The following KYAT3 variants were observed in gnomAD, a reference collection of about 807,000 sequenced individuals.
The protein encoded by KYAT3 is kynurenine--oxoglutarate transaminase 3.
Under a neutral mutation model 59.0 loss-of-function variants are expected in KYAT3, and 50 were observed. The ratio of observed to expected loss-of-function variants is 0.85; its 90% CI spans 0.68 to 1.07. The LOEUF (loss-of-function observed/expected upper bound fraction) is 1.07, where lower values mean the gene tolerates loss of function less well. Among genes scored for constraint, KYAT3 ranks in the 50% least tolerant of loss-of-function variants. KYAT3 has a pLI of 0.00. For missense variants in KYAT3, 497 were observed against 533.3 expected, an observed-to-expected ratio of 0.93 and a Z score of 0.67; for synonymous variants, 148 against 177.0, an observed-to-expected ratio of 0.84 and a Z score of 1.30.
chr1:88,990,549 C>T (rs2101106371), intron 1 of KYAT3, among the ~76,000 whole-genome samples: 1 of 152,316 alleles, frequency 6.6e-6, no homozygotes, highest in South Asian at 2.1e-4. Flanking sequence ...CTGAGAAACA[C>T]CATGTCCCCT....
chr1:88,927,668 C>T, the KYAT3 span, among the ~76,000 whole-genome samples: 121 of 152,238 alleles, frequency 7.9e-4, no homozygotes, highest in Non-Finnish European at 1.3e-3. Context: ...ATGCCCCCTC[C>T]AAGCAGTAGG....
chr1:88,941,380 A>G (rs1463084494), intron 13 of KYAT3, among the ~76,000 whole-genome samples: 1 of 152,240 alleles, frequency 6.6e-6, no homozygotes, highest in Non-Finnish European at 1.5e-5. Flanking sequence ...CAGTACCAAC[A>G]ACATTTTGAA....
rs759613722 is a variant in KYAT3 at position 88,961,208 on chromosome 1, TA to T, written c.745del (p.Tyr249MetfsTer12). 12 of 1,613,548 alleles carry T rather than the reference TA, an allele frequency of 7.4e-6. No individual in the cohort carries two copies. In the East Asian group the frequency reaches 2.5e-4, roughly 33 times the overall value. ...YDTLCISDEV[Y>X]EWLVYSGNKH... ...ATTTCCAGAATATACAAGCCATTCATAAACCTCATCGCTGATGCAGAGTGTG... is the reference window on the plus strand; with the variant it reads ...ATTTCCAGAATATACAAGCCATTCATAACCTCATCGCTGATGCAGAGTGTG... On this transcript the variant is annotated frameshift_variant, in exon 8 of 14. Transcript: ENST00000260508. LOFTEE classifies it high-confidence loss of function.
intron 13 of KYAT3, among the ~76,000 whole-genome samples, chr1:88,938,226 T>TTAA (rs1675109243): frequency 1.3e-5 from 2 of 152,202 alleles, no homozygotes; most frequent in Non-Finnish European, 2.9e-5. Context: ...TTAAAAATAT[T>TTAA]TGTTTTAAAG....
chr1:88,960,271 T>C (rs28545364), intron 8 of KYAT3, among the ~76,000 whole-genome samples: 4,777 of 151,892 alleles, frequency 0.031, 224 homozygotes, highest in African/African-American at 0.11. Context: ...CCACATTTTT[T>C]AGTCATCCTT....
chr1:88,986,862 A>G (rs1677487050), intron 2 of KYAT3, among the ~76,000 whole-genome samples: 1 of 152,184 alleles, frequency 6.6e-6, no homozygotes, highest in East Asian at 1.9e-4. Context: ...TCATTCGTCC[A>G]GCAATAGGAA....
At chr1:88,948,215 TC>T (rs1675525727) in intron 11 of KYAT3, among the ~76,000 whole-genome samples, 2 of 152,234 alleles carry the variant, frequency 1.3e-5, no homozygotes, top group South Asian at 2.1e-4. Context: ...TTTCCTTTAC[TC>T]TTTCCAGCTT....
At chr1:88,966,236 G>A (rs1184481717) in intron 4 of KYAT3, among the ~76,000 whole-genome samples, 1 of 152,078 alleles carries the variant, frequency 6.6e-6, no homozygotes, top group African/African-American at 2.4e-5. Flanking sequence ...GTATGGTTGT[G>A]TTCTAATGAA....
chr1:88,978,647 G>A (rs1676914884), intron 2 of KYAT3, among the ~76,000 whole-genome samples: 2 of 151,576 alleles, frequency 1.3e-5, no homozygotes, highest in African/African-American at 2.4e-5. Flanking sequence ...ACAGGTATGT[G>A]GCACCACACC....
the KYAT3 span, among the ~76,000 whole-genome samples, chr1:88,922,423 C>T: frequency 6.6e-6 from 1 of 152,172 alleles, no homozygotes; most frequent in Admixed American, 6.5e-5. Context: ...CAGACTGGTA[C>T]CAGCTGGTGA....
At chr1:88,946,316 G>A (rs1164076742) in intron 11 of KYAT3, among the ~76,000 whole-genome samples, 2 of 116,856 alleles carry the variant, frequency 1.7e-5, no homozygotes, top group Non-Finnish European at 3.5e-5. Flanking sequence ...TCCCTCCTAT[G>A]TGTAACTGAT....
intron 8 of KYAT3, among the ~76,000 whole-genome samples, chr1:88,958,216 T>C (rs1011931431): frequency 1.3e-5 from 2 of 152,140 alleles, no homozygotes; most frequent in African/African-American, 4.8e-5. Flanking sequence ...TCCATACAAA[T>C]CTGCTCCTCT....
intron 13 of KYAT3, among the ~76,000 whole-genome samples, chr1:88,941,526 CTGT>C (rs1183799407): frequency 7.7e-6 from 1 of 130,296 alleles, no homozygotes; most frequent in East Asian, 2.4e-4. Flanking sequence ...GCATTCTAGG[CTGT>C]TATTTTTTTT....
At chr1:88,988,781 G>T (rs369359565) in intron 1 of KYAT3, among the ~76,000 whole-genome samples, 22 of 152,300 alleles carry the variant, frequency 1.4e-4, no homozygotes, top group Admixed American at 4.6e-4. Context: ...GTAAATTAAA[G>T]TTGTTAGAAA....
intron 2 of KYAT3, chr1:88,982,645 T>G: frequency 6.3e-7 from 1 of 1,579,344 alleles, no homozygotes; most frequent in Non-Finnish European, 8.6e-7. Flanking sequence ...TCCAAAGTTT[T>G]GTTTGTTTCT....
the KYAT3 span, among the ~76,000 whole-genome samples, chr1:88,924,510 T>C: frequency 1.3e-5 from 2 of 152,208 alleles, no homozygotes; most frequent in Non-Finnish European, 2.9e-5. Flanking sequence ...ACAGACCTCA[T>C]ATTTAAAATC....
the KYAT3 span, among the ~76,000 whole-genome samples, chr1:88,925,391 C>T: frequency 6.6e-6 from 1 of 152,214 alleles, no homozygotes; most frequent in Non-Finnish European, 1.5e-5. Context: ...GAATCTGCTT[C>T]CTCTGATCCC....
intron 13 of KYAT3, among the ~76,000 whole-genome samples, chr1:88,937,747 A>C (rs1485794434): frequency 6.6e-6 from 1 of 152,220 alleles, no homozygotes; most frequent in East Asian, 1.9e-4. Context: ...AATGAAAAGG[A>C]TAGAGTATCA....
chr1:88,977,151 A>T (rs1676822022), intron 2 of KYAT3, among the ~76,000 whole-genome samples: 1 of 152,152 alleles, frequency 6.6e-6, no homozygotes, highest in African/African-American at 2.4e-5. Context: ...AGTAGCTGGG[A>T]CTACAGGCAC....
Sources: gnomAD v4.1 joint callset for allele counts (sites outside exome capture counted in the v4.1 genomes callset) on GRCh38, gnomAD v4.1.1 for gene constraint, MANE v1.5 for transcripts, NCBI Gene and HGNC (gene_info 2026-07-23, HGNC 2026-07-21) for gene names.